The following HEPH variants were observed in gnomAD, a reference collection of about 807,000 sequenced individuals.
HEPH encodes the protein hephaestin.
HEPH carries 69 observed loss-of-function variants against 80.8 expected under a neutral mutation model. The ratio of observed to expected loss-of-function variants is 0.85; its 90% CI spans 0.70 to 1.04. The LOEUF (loss-of-function observed/expected upper bound fraction) is 1.04. HEPH is among the 50% of genes least tolerant of loss of function. HEPH has a pLI of 0.00. For synonymous variants in HEPH, 431 were observed against 322.8 expected, an observed-to-expected ratio of 1.34 and a Z score of -3.60; for missense variants, 1,115 against 891.3, an observed-to-expected ratio of 1.25 and a Z score of -3.20.
chrX:66,228,918 TA>T (rs901377037), intron 15 of HEPH, among the ~76,000 whole-genome samples: 1 of 112,452 alleles, frequency 8.9e-6, no homozygotes, highest in African/African-American at 3.2e-5. Context: ...GGCACACTTT[TA>T]AACTGTTGGC....
At chrX:66,228,645 A>G (rs1192449952) in intron 15 of HEPH, among the ~76,000 whole-genome samples, 5 of 112,307 alleles carry the variant, frequency 4.5e-5, no homozygotes, top group Non-Finnish European at 7.5e-5. Context: ...ACAAAGTATT[A>G]ATATCTGGAA....
In HEPH at chrX:66,195,179, C is replaced by T. The variant is rs766260680; in HGVS notation, c.1451C>T (p.Pro484Leu). ...NRASQPFSMQPHGVFYEKDYE... is the reference protein window; with the variant it reads ...NRASQPFSMQLHGVFYEKDYE... The stretch of plus-strand genomic sequence containing the variant: ...GCCTCCCAGCCATTCAGCATGCAGC[C>T]CCATGGGGTCTTTTATGAGAAAGAC... Residue 484 changes from proline to leucine, a missense_variant, in exon 9 of 21, where the codon CCC becomes CTC. By Grantham distance (98) the Pro-to-Leu change is moderately conservative. Coordinates refer to ENST00000343002, the MANE Select transcript of HEPH (RefSeq NM_001367233.3). 2 of 1,200,267 alleles carry T rather than the reference C, an allele frequency of 1.7e-6. No individual in the cohort carries two copies. Among genetic ancestry groups the T allele is most frequent in the African/African-American group, 1.8e-5 (1 of 56,523 alleles).
chrX:66,167,232 T>C (rs2086410079), intron 1 of HEPH, among the ~76,000 whole-genome samples: 1 of 111,906 alleles, frequency 8.9e-6, no homozygotes, highest in African/African-American at 3.2e-5. Flanking sequence ...TCTCAAGATC[T>C]TGAGAATTAT....
At chrX:66,266,172 A>T (rs780330214) in intron 20 of HEPH, among the ~76,000 whole-genome samples, 1 of 110,905 alleles carries the variant, frequency 9.0e-6, no homozygotes, top group South Asian at 3.9e-4. Flanking sequence ...GAGAACATGT[A>T]TCAAGGGCCT....
chrX:66,207,340 G>A lies in HEPH; in HGVS notation c.2431+6G>A, dbSNP rs1432384323. 1.7e-6 allele frequency: 2 copies of A among 1,161,159 alleles called. No individual in the cohort carries two copies. ...AGAACACTTGGGAATCTTGGGTAAG[G>A]GAATTCTACTTCCCTCCTAGTGTTT... On this transcript the variant is annotated splice_donor_region_variant and intron_variant, in intron 14 of 20. Transcript: ENST00000343002.
intron 6 of HEPH, 110 bp downstream of exon 6, chrX:66,190,048 T>C (rs1303856449): frequency 1.2e-6 from 1 of 819,871 alleles, no homozygotes; most frequent in Non-Finnish European, 1.7e-6. Flanking sequence ...AGTTGAGGCA[T>C]CTTGGGATAA....
At chrX:66,260,769 C>CT (rs751306511) in intron 19 of HEPH, among the ~76,000 whole-genome samples, 5,554 of 104,238 alleles carry the variant, frequency 0.053, 422 homozygotes, top group African/African-American at 0.18. Context: ...TTCTTTTTTT[C>CT]TTTTTTTTTT....
intron 15 of HEPH, among the ~76,000 whole-genome samples, chrX:66,232,615 G>A (rs866387486): frequency 5.4e-5 from 6 of 111,010 alleles, no homozygotes; most frequent in Middle Eastern, 4.6e-3. Context: ...TTATAATGTA[G>A]CATAACATCT....
At chrX:66,169,605 A>C (rs1039590259) in intron 1 of HEPH, among the ~76,000 whole-genome samples, 2 of 112,385 alleles carry the variant, frequency 1.8e-5, no homozygotes, top group African/African-American at 6.5e-5. Context: ...ATTTCTTCTG[A>C]GAAGTTCAAA....
intron 19 of HEPH, among the ~76,000 whole-genome samples, chrX:66,261,387 G>A (rs2091357922): frequency 9.0e-6 from 1 of 111,384 alleles, no homozygotes; most frequent in Admixed American, 9.6e-5. Context: ...AAATGTAGAT[G>A]GGTAGGCTGT....
At chrX:66,180,487 GA>G (rs1381925510) in intron 4 of HEPH, among the ~76,000 whole-genome samples, 1 of 111,182 alleles carries the variant, frequency 9.0e-6, no homozygotes, top group African/African-American at 3.3e-5. Context: ...CTGTTTATCT[GA>G]TAGGTTTTCC....
At chrX:66,249,505 A>G (rs1357415066) in intron 15 of HEPH, among the ~76,000 whole-genome samples, 11 of 111,657 alleles carry the variant, frequency 9.9e-5, no homozygotes, top group Admixed American at 4.8e-4. Context: ...CTTGTCACCC[A>G]GAGGAACAGG....
At chrX:66,197,013 T>A (rs993241188) in intron 9 of HEPH, among the ~76,000 whole-genome samples, 1 of 110,326 alleles carries the variant, frequency 9.1e-6, no homozygotes, top group Non-Finnish European at 1.9e-5. Context: ...CTTACCATCA[T>A]GCATTATTAC....
chrX:66,263,721 T>C (rs750378322), intron 20 of HEPH, 33 bp downstream of exon 20: 7 of 1,178,986 alleles, frequency 5.9e-6, no homozygotes, highest in South Asian at 1.8e-5. Flanking sequence ...TGGGTACTTA[T>C]ACATAGTGTG....
chrX:66,170,751 C>A lies in HEPH; in HGVS notation c.167+14C>A, dbSNP rs137910006. On this transcript the variant is annotated intron_variant, in intron 2 of 20. Transcript: ENST00000343002. ...GGACAGTGACATGTAGGTTTAATTT[C>A]TTGTGGTATTTGAGGGGAAGTTATG... 11,452 of 1,195,501 alleles carry A rather than the reference C, an allele frequency of 9.6e-3. 663 individuals carry two copies. In the African/African-American group the frequency reaches 0.18, roughly 18 times the overall value.
intron 15 of HEPH, among the ~76,000 whole-genome samples, chrX:66,247,331 C>G (rs1259203938): frequency 9.4e-6 from 1 of 106,046 alleles, no homozygotes; most frequent in African/African-American, 3.4e-5. Flanking sequence ...CCTACAGGTC[C>G]CTTATGCTCT....
chrX:66,263,872 G>T (rs1477340677), intron 20 of HEPH, among the ~76,000 whole-genome samples, 184 bp downstream of exon 20: 2 of 110,875 alleles, frequency 1.8e-5, no homozygotes, highest in Non-Finnish European at 3.8e-5. Context: ...CCCTCAGCAG[G>T]TTTATTCTCT....
intron 6 of HEPH, 115 bp downstream of exon 6, chrX:66,190,053 G>T (rs2087709299): frequency 2.6e-6 from 2 of 757,789 alleles, no homozygotes; most frequent in African/African-American, 4.5e-5. Flanking sequence ...AGGCATCTTG[G>T]GATAAAGGAT....
chrX:66,248,655 G>A (rs932539030), intron 15 of HEPH, among the ~76,000 whole-genome samples: 1 of 112,041 alleles, frequency 8.9e-6, no homozygotes, highest in Admixed American at 9.5e-5. Context: ...TTGTGAAGAA[G>A]GAAAAATAAA....
Sources: gnomAD v4.1 joint callset for allele counts (sites outside exome capture counted in the v4.1 genomes callset) on GRCh38, gnomAD v4.1.1 for gene constraint, MANE v1.5 for transcripts, NCBI Gene and HGNC (gene_info 2026-07-23, HGNC 2026-07-21) for gene names.